Variants in CAGE1 observed in about 807,000 individuals in gnomAD.
The protein encoded by CAGE1 is cancer-associated gene 1 protein.
CAGE1 carries 66 observed loss-of-function variants against 94.9 expected under a neutral mutation model. The observed-to-expected ratio is 0.70, with a 90% CI of 0.57 to 0.85. The LOEUF is 0.85. Ranked by LOEUF, CAGE1 falls within the 40% of genes least tolerant of loss-of-function variation. CAGE1 has a pLI of 0.00. For missense variants in CAGE1, 865 were observed against 950.4 expected (o/e 0.91, Z 1.18); for synonymous variants, 319 against 321.0 (o/e 0.99, Z 0.07).
intron 6 of CAGE1, among the ~76,000 whole-genome samples, chr6:7,369,235 T>G (rs568918930): frequency 3.9e-5 from 6 of 152,156 alleles, no homozygotes; most frequent in Non-Finnish European, 8.8e-5. Flanking sequence ...CTCGAACTCC[T>G]GACCTCAGGT....
At chr6:7,387,332 A>G in intron 1 of CAGE1, 136 bp from the exon 2 acceptor site, 1 of 612,104 alleles carries the variant, frequency 1.6e-6, no homozygotes, top group Non-Finnish European at 2.8e-6. Flanking sequence ...AAAATTAAAA[A>G]TTTTAGTCTG....
Position 7,339,262 on chromosome 6 carries a change from C to G in CAGE1, c.2370-5172G>C. 6.3e-7 allele frequency: 1 copy of G among 1,585,632 alleles called. No homozygotes were observed. Among genetic ancestry groups the G allele is most frequent in the Non-Finnish European group, 8.7e-7 (1 of 1,155,244 alleles). On this transcript the variant is annotated intron_variant, in intron 11 of 13. Transcript: ENST00000502583. The surrounding 1 kb of genome is among the most constrained non-coding windows in gnomAD (Gnocchi z 4.7). ...CCTAGGAGTTTGTAAGGCAGAGACT[C>G]TGCCTGGGCAATGGCACACAGACCC...
At chr6:7,333,592 AG>A (rs1317551343) in intron 12 of CAGE1, among the ~76,000 whole-genome samples, 4 of 103,282 alleles carry the variant, frequency 3.9e-5, no homozygotes, top group African/African-American at 2.4e-4. Context: ...AATTGAGATA[AG>A]GAAAAGAGTT....
At chr6:7,361,515 G>T (rs1387838636) in intron 9 of CAGE1, among the ~76,000 whole-genome samples, 1 of 152,162 alleles carries the variant, frequency 6.6e-6, no homozygotes, top group African/African-American at 2.4e-5. Flanking sequence ...ATTCCATCAA[G>T]ATGTAAAATG....
rs1758799855 is a variant in CAGE1, at chr6:7,332,754, T to C, written c.2438+1268A>G. Among the ~76,000 whole-genome samples the C allele has an allele frequency of 3.3e-5, 5 of 152,312 alleles. No homozygotes were observed. The South Asian group carries it at 1.0e-3, about 32-fold the overall frequency. Reference sequence around the variant, plus strand: ...GAAGAAATCCTTCTCCAATCTTCCCTACTCTCCATACTTTTATATCTTGGA... The same window carrying C: ...GAAGAAATCCTTCTCCAATCTTCCCCACTCTCCATACTTTTATATCTTGGA... On this transcript the variant is annotated intron_variant, in intron 12 of 13. Coordinates refer to ENST00000502583, the MANE Select transcript of CAGE1 (RefSeq NM_001170692.2).
At chr6:7,364,542 C>G (rs1371417709) in intron 9 of CAGE1, among the ~76,000 whole-genome samples, 2 of 152,134 alleles carry the variant, frequency 1.3e-5, no homozygotes, top group Non-Finnish European at 2.9e-5. Context: ...GATCTCAGCT[C>G]ACTGCAACCT....
At chr6:7,388,712 ACCTATGTCAT>A (rs888871042) in intron 1 of CAGE1, among the ~76,000 whole-genome samples, 2 of 152,208 alleles carry the variant, frequency 1.3e-5, no homozygotes. Context: ...TTGTTTTCAA[ACCTATGTCAT>A]CACTTGGTAA....
intron 6 of CAGE1, among the ~76,000 whole-genome samples, chr6:7,369,393 A>C (rs1760465814): frequency 6.6e-6 from 1 of 152,138 alleles, no homozygotes; most frequent in Non-Finnish European, 1.5e-5. Context: ...TCTTAAAGAT[A>C]AGGAAACTGA....
chr6:7,347,927 A>G (rs1759623300), intron 11 of CAGE1, among the ~76,000 whole-genome samples: 1 of 152,036 alleles, frequency 6.6e-6, no homozygotes, highest in South Asian at 2.1e-4. Context: ...CTGCCCAAGG[A>G]GAGTCTGAGC....
intron 13 of CAGE1, among the ~76,000 whole-genome samples, chr6:7,329,488 A>C (rs1003382462): frequency 2.6e-5 from 4 of 152,126 alleles, no homozygotes; most frequent in Admixed American, 1.3e-4. Context: ...GGGGCATGAA[A>C]ATATTTTGCT....
intron 11 of CAGE1, among the ~76,000 whole-genome samples, chr6:7,345,877 A>G (rs1759497928): frequency 6.6e-6 from 1 of 152,168 alleles, no homozygotes; most frequent in Non-Finnish European, 1.5e-5. Flanking sequence ...GTGAGCCGAT[A>G]CTGTACCACT....
rs1214286418 is a variant in CAGE1, at chr6:7,339,240, AG to A, written c.2370-5151del. On this transcript the variant is annotated intron_variant, in intron 11 of 13. Transcript: ENST00000502583. The surrounding 1 kb of genome is among the most constrained non-coding windows in gnomAD (Gnocchi z 4.7). ...GGCCCTCCGCACAGCAAGCCCTCCTAGGAGTTTGTAAGGCAGAGACTCTGCC... is the reference window on the plus strand; with the variant it reads ...GGCCCTCCGCACAGCAAGCCCTCCTAGAGTTTGTAAGGCAGAGACTCTGCC... 1 of 1,579,176 alleles carries A rather than the reference AG, an allele frequency of 6.3e-7. No homozygotes were observed. The highest frequency in any genetic ancestry group is 8.7e-7 in the Non-Finnish European group (1 of 1,149,744).
intron 11 of CAGE1, among the ~76,000 whole-genome samples, chr6:7,336,136 C>G: frequency 6.6e-6 from 1 of 152,078 alleles, no homozygotes; most frequent in East Asian, 1.9e-4. Context: ...TCTGTGTATA[C>G]CAAAAGCCTG....
chr6:7,327,171 G>A (rs189514952), intron 13 of CAGE1, among the ~76,000 whole-genome samples: 19 of 152,116 alleles, frequency 1.2e-4, no homozygotes, highest in Non-Finnish European at 4.4e-5. Flanking sequence ...TCCTGCCTCT[G>A]CCTCCCAAGT....
intron 12 of CAGE1, among the ~76,000 whole-genome samples, chr6:7,333,181 C>A (rs1005301171): frequency 1.3e-5 from 2 of 152,102 alleles, no homozygotes; most frequent in Admixed American, 1.3e-4. Context: ...GAACTCTTGA[C>A]CTCAAGTGAT....
chr6:7,363,890 A>G (rs1760242455), intron 9 of CAGE1, among the ~76,000 whole-genome samples: 1 of 152,200 alleles, frequency 6.6e-6, no homozygotes, highest in Non-Finnish European at 1.5e-5. Flanking sequence ...GCAAAATATA[A>G]TTTTCTAAAC....
Position 7,377,123 on chromosome 6 carries a change from G to A in CAGE1, c.687+1494C>T, listed in dbSNP as rs180830487. ...GATTGATTAATGACTACCTCCTCTA[G>A]TAGGATGCTGTCTTCATGAGGACAA... On this transcript the variant is annotated intron_variant, in intron 4 of 13. Transcript: ENST00000502583. Among the ~76,000 whole-genome samples, 3 of 152,204 alleles carry A rather than the reference G, an allele frequency of 2.0e-5. No homozygotes were observed. In the East Asian group the frequency reaches 5.8e-4, roughly 29 times the overall value.
At chr6:7,329,220 A>G (rs1258762210) in intron 13 of CAGE1, 5 of 404,852 alleles carry the variant, frequency 1.2e-5, no homozygotes, top group Non-Finnish European at 1.3e-5. Context: ...GGCGTCAGCC[A>G]CCGCGCCCAG....
At chr6:7,329,725 CAG>C (rs1758678960) in intron 13 of CAGE1, 122 bp downstream of exon 13, 2 of 571,982 alleles carry the variant, frequency 3.5e-6, no homozygotes, top group African/African-American at 1.9e-5. Flanking sequence ...CATCTGAAGA[CAG>C]AGGGGAAGGC....
Sources: allele counts gnomAD v4.1 joint callset (sites outside exome capture counted in the v4.1 genomes callset), GRCh38; gene constraint gnomAD v4.1.1; non-coding constraint Gnocchi (gnomAD v3.1); transcripts MANE v1.5; gene names NCBI Gene and HGNC (gene_info 2026-07-23, HGNC 2026-07-21).